Variants in MAGOH observed in about 807,000 individuals in gnomAD.
MAGOH encodes mago homolog, exon junction complex subunit, also known as protein mago nashi homolog.
Under a neutral mutation model 20.9 loss-of-function variants are expected in MAGOH, and 3 were observed. That is an observed-to-expected ratio of 0.14 (90% CI 0.07 to 0.37). The LOEUF (loss-of-function observed/expected upper bound fraction) is 0.37, where lower values mean the gene tolerates loss of function less well. Ranked by LOEUF, MAGOH falls within the 10% of genes least tolerant of loss-of-function variation. MAGOH has a pLI of 1.00. For synonymous variants in MAGOH, 51 were observed against 61.0 expected, an observed-to-expected ratio of 0.84 and a Z score of 0.76; for missense variants, 66 against 178.1, an observed-to-expected ratio of 0.37 and a Z score of 3.58.
At chr1:53,238,282 G>A in intron 1 of MAGOH, 79 bp downstream of exon 1, 1 of 1,334,740 alleles carries the variant, frequency 7.5e-7, no homozygotes, top group African/African-American at 1.4e-5. Flanking sequence ...GTTCCCCACA[G>A]ATTTCCGACC....
At position 53,235,622 on chromosome 1, in the gene MAGOH, A is replaced by G. The variant is rs1305245706; in HGVS notation, c.102T>C (p.Tyr34=). 5.6e-6 allele frequency: 9 copies of G among 1,613,864 alleles called. No homozygotes were observed. The highest frequency in any genetic ancestry group is 1.6e-4 in the Middle Eastern group (1 of 6,082). Residue 34 remains tyrosine, a synonymous_variant, in exon 2 of 5, where the codon TAT becomes TAC. Transcript: ENST00000371470. ...FEFRPDGKLR[Y]ANNSNYKNDV... ...CATTCTTGTAATTGCTGTTGTTGGC[A>G]TATCTTAACTTCCCTGTGGGGGCAA...
At position 53,228,984 on chromosome 1, in the gene MAGOH, G is replaced by GT. The variant is rs1645573290; in HGVS notation, c.259-31dup. The GT allele has an allele frequency of 2.1e-6, 3 of 1,432,958 alleles. No homozygotes were observed. The African/African-American group carries it at 4.2e-5, about 20-fold the overall frequency. The allele number at this position is 1,432,958 out of a possible 1,614,324, so 88.8% of individuals were successfully genotyped here. A position where few individuals can be genotyped will look rare whatever the true frequency, so the allele number is the denominator to read the frequency against. On this transcript the variant is annotated intron_variant, in intron 3 of 4. Coordinates refer to ENST00000371470, the MANE Select transcript of MAGOH (RefSeq NM_002370.4). Reference sequence around the variant, plus strand: ...AAACATTTTAGAAAATCGAAGTCAAGTAGAATTGGATTATTCATCAAGCAC... The same window carrying GT: ...AAACATTTTAGAAAATCGAAGTCAAGTTAGAATTGGATTATTCATCAAGCAC...
At position 53,226,992 on chromosome 1, in the gene MAGOH, T is replaced by A. The variant is rs945981518; in HGVS notation, c.*53A>T. ...TTCATAAAAAAATACTGCCCTGATA[T>A]ACACAAAATTTTCTACTCCCACCCA... On this transcript the variant is annotated 3_prime_UTR_variant, in exon 5 of 5. Coordinates refer to ENST00000371470, the MANE Select transcript of MAGOH (RefSeq NM_002370.4). The A allele has an allele frequency of 2.2e-6, 2 of 923,926 alleles. No homozygotes were observed. Among genetic ancestry groups the A allele is most frequent in the Non-Finnish European group, 3.4e-6 (2 of 595,416 alleles). The allele number at this position is 923,926 out of a possible 1,614,324, so 57.2% of individuals were successfully genotyped here.
At chr1:53,234,261 T>C (rs1223949677) in intron 2 of MAGOH, among the ~76,000 whole-genome samples, 1 of 152,164 alleles carries the variant, frequency 6.6e-6, no homozygotes, top group African/African-American at 2.4e-5. Flanking sequence ...ATCTTGGACT[T>C]TCCAGCCTCC....
At chr1:53,227,172 G>T in intron 4 of MAGOH, 28 bp from the exon 5 acceptor site, 1 of 1,371,792 alleles carries the variant, frequency 7.3e-7, no homozygotes, top group Non-Finnish European at 1.0e-6. Context: ...AAAAGTTTAG[G>T]CATTAAAACT....
chr1:53,237,300 C>T (rs1217500304), intron 1 of MAGOH, among the ~76,000 whole-genome samples: 1 of 151,044 alleles, frequency 6.6e-6, no homozygotes, highest in African/African-American at 2.5e-5. Context: ...ATCAATAGCC[C>T]TGTTTCCACT....
chr1:53,228,966 T>A lies in MAGOH; in HGVS notation c.259-12A>T, dbSNP rs761606176. On this transcript the variant is annotated splice_polypyrimidine_tract_variant and intron_variant, in intron 3 of 4. Coordinates refer to ENST00000371470, the MANE Select transcript of MAGOH (RefSeq NM_002370.4). Reference sequence around the variant, plus strand: ...ACGATTTCAAGCTCCTAGAAACATTTTAGAAAATCGAAGTCAAGTAGAATT... The same window carrying A: ...ACGATTTCAAGCTCCTAGAAACATTATAGAAAATCGAAGTCAAGTAGAATT... 6.3e-7 allele frequency: 1 copy of A among 1,589,084 alleles called. No individual in the cohort carries two copies. The highest frequency in any genetic ancestry group is 8.6e-7 in the Non-Finnish European group (1 of 1,157,692).
rs1301456755 is a variant in MAGOH at position 53,233,488 on chromosome 1, T to TG, written c.258+53dup. 23 of 1,229,844 alleles carry TG rather than the reference T, an allele frequency of 1.9e-5. No individual in the cohort carries two copies. In the African/African-American group the frequency reaches 2.4e-4, roughly 13 times the overall value. 76.2% of individuals were successfully genotyped at this position (1,229,844 alleles called of 1,614,324 possible). A position where few individuals can be genotyped will look rare whatever the true frequency, so the allele number is the denominator to read the frequency against. On this transcript the variant is annotated intron_variant, in intron 3 of 4. Coordinates refer to ENST00000371470, the MANE Select transcript of MAGOH (RefSeq NM_002370.4). ...AAAGCTTTAAGTGGAGGAGGGAGTG[T>TG]GGGGGGTCTTATTTGTAAGATTTCT...
At chr1:53,231,097 A>T (rs1174174375) in intron 3 of MAGOH, among the ~76,000 whole-genome samples, 11 of 152,156 alleles carry the variant, frequency 7.2e-5, no homozygotes. Context: ...TAAATTCGGC[A>T]GATTTTTTTC....
intron 2 of MAGOH, among the ~76,000 whole-genome samples, chr1:53,234,931 G>C (rs1645604414): frequency 6.6e-6 from 1 of 152,142 alleles, no homozygotes; most frequent in Admixed American, 6.5e-5. Flanking sequence ...GGGCAGGATT[G>C]GGAATTCCTG....
chr1:53,229,394 G>A (rs941892694), intron 3 of MAGOH, among the ~76,000 whole-genome samples: 1 of 152,048 alleles, frequency 6.6e-6, no homozygotes, highest in Admixed American at 6.6e-5. Flanking sequence ...TAGAGACGGG[G>A]TTTCACCGTG....
At chr1:53,229,302 G>A (rs1015562716) in intron 3 of MAGOH, among the ~76,000 whole-genome samples, 6 of 151,736 alleles carry the variant, frequency 4.0e-5, no homozygotes, top group South Asian at 2.1e-4. Flanking sequence ...AGGTTCAAGC[G>A]ATTCTCCTGC....
chr1:53,237,673 CAAAAAAAA>C (rs1231950502), intron 1 of MAGOH, among the ~76,000 whole-genome samples: 2 of 55,340 alleles, frequency 3.6e-5, no homozygotes, highest in East Asian at 1.4e-3. Flanking sequence ...AAAGCCGTCT[CAAAAAAAA>C]AAAAAAAAAA....
At chr1:53,238,224 G>C in intron 1 of MAGOH, 137 bp downstream of exon 1, 1 of 721,918 alleles carries the variant, frequency 1.4e-6, no homozygotes, top group Middle Eastern at 2.5e-4. Flanking sequence ...ACACAGTGGC[G>C]TTCCTTTAAG....
intron 1 of MAGOH, among the ~76,000 whole-genome samples, chr1:53,237,018 T>G (rs557546151): frequency 3.7e-4 from 55 of 148,362 alleles, no homozygotes; most frequent in Non-Finnish European, 7.0e-4. Context: ...TGGCACTATC[T>G]CAGCTTGCTG....
chr1:53,231,799 G>GA lies in MAGOH; in HGVS notation c.258+1742dup, dbSNP rs201541987. Among the ~76,000 whole-genome samples the GA allele has an allele frequency of 2.5e-3, 380 of 152,032 alleles. 9 individuals carry two copies. The East Asian group carries it at 0.065, about 26-fold the overall frequency. On this transcript the variant is annotated intron_variant, in intron 3 of 4. Coordinates refer to ENST00000371470, the MANE Select transcript of MAGOH (RefSeq NM_002370.4). Reference sequence around the variant, plus strand: ...TGCTCATTCTATTTGATTCTAAAGGGAAAAAAATCCTACTGCGATTTTTAT... The same window carrying GA: ...TGCTCATTCTATTTGATTCTAAAGGGAAAAAAAATCCTACTGCGATTTTTAT...
intron 4 of MAGOH, among the ~76,000 whole-genome samples, chr1:53,228,288 C>T (rs887236841): frequency 1.1e-4 from 16 of 151,912 alleles, no homozygotes; most frequent in East Asian, 1.9e-4. Context: ...AAAAATTAGC[C>T]GGGTGTGGTG....
At position 53,233,601 on chromosome 1, in the gene MAGOH, T is replaced by A; in HGVS notation, c.199A>T (p.Ser67Cys). The A allele has an allele frequency of 6.2e-7, 1 of 1,614,186 alleles. No individual in the cohort carries two copies. The highest frequency in any genetic ancestry group is 8.5e-7 in the Non-Finnish European group (1 of 1,180,020). Residue 67 changes from serine to cysteine, a missense_variant, in exon 3 of 5, where the codon AGT becomes TGT. Ser to Cys is a moderately radical substitution (Grantham distance 112, BLOSUM62 -1). Coordinates refer to ENST00000371470, the MANE Select transcript of MAGOH (RefSeq NM_002370.4). The part of the protein sequence containing the change: ...MEELKRIIDD[S>C]EITKEDDALW... ...GCATCATCCTCTTTGGTAATTTCAC[T>A]GTCGTCAATTATTCTCTTCAGTTCC...
chr1:53,230,247 G>A (rs1022243182), intron 3 of MAGOH, among the ~76,000 whole-genome samples: 7 of 151,830 alleles, frequency 4.6e-5, no homozygotes, highest in Non-Finnish European at 7.4e-5. Flanking sequence ...TCAGAAAATC[G>A]AAAAAACTGA....
Sources: allele counts gnomAD v4.1 joint callset (sites outside exome capture counted in the v4.1 genomes callset), GRCh38; gene constraint gnomAD v4.1.1; transcripts MANE v1.5; gene names NCBI Gene and HGNC (gene_info 2026-07-23, HGNC 2026-07-21).